Variants in GPR158 observed in about 807,000 individuals in gnomAD.
GPR158 encodes the protein metabotropic glycine receptor.
GPR158 carries 30 observed loss-of-function variants against 78.2 expected under a neutral mutation model. That is an observed-to-expected ratio of 0.38 (90% CI 0.29 to 0.52). GPR158 has a LOEUF of 0.52. GPR158 is among the 20% of genes least tolerant of loss of function. The pLI is 0.83. For missense variants in GPR158, 1,463 were observed against 1,523.5 expected, an observed-to-expected ratio of 0.96 and a Z score of 0.66; for synonymous variants, 581 against 591.1, an observed-to-expected ratio of 0.98 and a Z score of 0.25.
chr10:25,438,303 C>G lies in GPR158; in HGVS notation c.1335+25830C>G, dbSNP rs114097913. 6.0e-3 allele frequency among the ~76,000 whole-genome samples: 918 copies of G among 152,178 alleles called. 13 individuals are homozygous for G. The highest frequency in any genetic ancestry group is 0.021 in the African/African-American group (884 of 41,526). On this transcript the variant is annotated intron_variant, in intron 4 of 10. Transcript: ENST00000376351. ...TAGAAGGATTACTGAAAGCCCAGAT[C>G]GGGTTGGTTTCTCTGAAGTTCTAAT... is the stretch of plus-strand genomic sequence containing the variant.
At chr10:25,274,172 G>T (rs888971633) in intron 2 of GPR158, among the ~76,000 whole-genome samples, 2 of 152,080 alleles carry the variant, frequency 1.3e-5, no homozygotes, top group African/African-American at 4.8e-5. Flanking sequence ...ACCAAAGATT[G>T]TTCTGATTTT....
chr10:25,576,570 A>AC (rs1414364106), intron 7 of GPR158, among the ~76,000 whole-genome samples: 3 of 152,186 alleles, frequency 2.0e-5, no homozygotes, highest in Non-Finnish European at 4.4e-5. Flanking sequence ...GAGAGTAATG[A>AC]CGACCCTGAG....
intron 7 of GPR158, among the ~76,000 whole-genome samples, chr10:25,573,176 TC>T (rs1837036289): frequency 6.6e-6 from 1 of 152,242 alleles, no homozygotes; most frequent in Non-Finnish European, 1.5e-5. Context: ...AGCTTACTTT[TC>T]TCATTCTTAT....
At chr10:25,412,226 T>A in intron 3 of GPR158, 24 bp from the exon 4 acceptor site, 1 of 1,524,064 alleles carries the variant, frequency 6.6e-7, no homozygotes, top group Non-Finnish European at 9.1e-7. Flanking sequence ...CAAATGACAC[T>A]GTGGTTTTAT....
intron 4 of GPR158, among the ~76,000 whole-genome samples, chr10:25,437,680 G>A (rs191271894): frequency 1.5e-4 from 23 of 152,302 alleles, no homozygotes; most frequent in Admixed American, 3.3e-4. Flanking sequence ...TTATGAAGTC[G>A]TTGAGAACTT....
chr10:25,433,571 G>GTGTGTGTA (rs1564454635), intron 4 of GPR158, among the ~76,000 whole-genome samples: 1 of 53,076 alleles, frequency 1.9e-5, no homozygotes, highest in African/African-American at 4.3e-5. Flanking sequence ...GTGTGTGTGT[G>GTGTGTGTA]CGCGCGCGCG....
rs533076894 is a variant in GPR158 at position 25,293,954 on chromosome 10, C to T, written c.1008+72797C>T. Among the ~76,000 whole-genome samples, 525 of 152,126 alleles carry T rather than the reference C, an allele frequency of 3.5e-3. 1 individual carries two copies. The highest frequency in any genetic ancestry group is 0.012 in the African/African-American group (485 of 41,492). Reference sequence around the variant, plus strand: ...CAGAGACAGGGTTTCACCATGTTGGCCAGGCTGGTCTTGAACTCCTGACCT... The same window carrying T: ...CAGAGACAGGGTTTCACCATGTTGGTCAGGCTGGTCTTGAACTCCTGACCT... On this transcript the variant is annotated intron_variant, in intron 2 of 10. Coordinates refer to ENST00000376351, the MANE Select transcript of GPR158 (RefSeq NM_020752.3).
chr10:25,599,383 C>T lies in GPR158; in HGVS notation c.*109C>T, dbSNP rs899814601. On this transcript the variant is annotated 3_prime_UTR_variant, in exon 11 of 11. Transcript: ENST00000376351. Reference sequence around the variant, plus strand: ...GATTTGTCAATCAAGGAAAACATGACAGATGGTGAGGTAAAGTCAAAGGCA... The same window carrying T: ...GATTTGTCAATCAAGGAAAACATGATAGATGGTGAGGTAAAGTCAAAGGCA... The T allele has an allele frequency of 4.6e-6, 4 of 871,782 alleles. No individual in the cohort carries two copies. The African/African-American group carries it at 6.8e-5, about 15-fold the overall frequency. 54.0% of individuals were successfully genotyped at this position (871,782 alleles called of 1,614,324 possible).
At chr10:25,344,814 G>C (rs1855351083) in intron 2 of GPR158, among the ~76,000 whole-genome samples, 1 of 151,964 alleles carries the variant, frequency 6.6e-6, no homozygotes. Flanking sequence ...ATAAACAACA[G>C]AAATTTATTT....
intron 1 of GPR158, among the ~76,000 whole-genome samples, chr10:25,179,627 A>G (rs1852589161): frequency 6.6e-6 from 1 of 152,198 alleles, no homozygotes. Flanking sequence ...CTTATGTTTC[A>G]GAATGACACA....
At chr10:25,435,310 A>AT (rs1200813597) in intron 4 of GPR158, among the ~76,000 whole-genome samples, 1 of 152,172 alleles carries the variant, frequency 6.6e-6, no homozygotes, top group African/African-American at 2.4e-5. Flanking sequence ...GTGAGAAAGG[A>AT]TAATAAGGTT....
chr10:25,459,389 A>G (rs1426638942), intron 4 of GPR158, among the ~76,000 whole-genome samples: 1 of 152,004 alleles, frequency 6.6e-6, no homozygotes, highest in Non-Finnish European at 1.5e-5. Context: ...GCTCTCTCAT[A>G]TTTTCCTCAT....
intron 1 of GPR158, among the ~76,000 whole-genome samples, chr10:25,195,812 G>A (rs1852836391): frequency 6.6e-6 from 1 of 152,112 alleles, no homozygotes; most frequent in Non-Finnish European, 1.5e-5. Flanking sequence ...GCCAGAAAAT[G>A]TCTTCTAACT....
At chr10:25,474,989 C>A (rs1395624152) in intron 5 of GPR158, among the ~76,000 whole-genome samples, 1 of 152,062 alleles carries the variant, frequency 6.6e-6, no homozygotes, top group Non-Finnish European at 1.5e-5. Context: ...TTATTCAAAA[C>A]AAATGGTTGT....
intron 5 of GPR158, among the ~76,000 whole-genome samples, chr10:25,537,371 A>T (rs1433337609): frequency 3.3e-5 from 5 of 152,154 alleles, no homozygotes; most frequent in Admixed American, 6.6e-5. Context: ...ATCATGACAT[A>T]AATATGTTAT....
chr10:25,205,617 G>T (rs910521086), intron 1 of GPR158, among the ~76,000 whole-genome samples: 4 of 151,970 alleles, frequency 2.6e-5, no homozygotes, highest in African/African-American at 9.7e-5. Flanking sequence ...CTGTTATGTT[G>T]CATCTTTGTT....
In GPR158 at chr10:25,586,029, C is replaced by A. The variant is rs375190065; in HGVS notation, c.1754-2978C>A. Among the ~76,000 whole-genome samples the A allele has an allele frequency of 3.9e-5, 6 of 152,186 alleles. No individual in the cohort carries two copies. In the East Asian group the frequency reaches 7.7e-4, roughly 20 times the overall value. On this transcript the variant is annotated intron_variant, in intron 7 of 10. Coordinates refer to ENST00000376351, the MANE Select transcript of GPR158 (RefSeq NM_020752.3). Reference sequence around the variant, plus strand: ...TTGGAGTGTTCAGAGGACAAAGAGACCTTCTAGGTCTGCTCAAAGAGTTTA... The same window carrying A: ...TTGGAGTGTTCAGAGGACAAAGAGAACTTCTAGGTCTGCTCAAAGAGTTTA...
chr10:25,228,447 T>C (rs1477659156), intron 2 of GPR158, among the ~76,000 whole-genome samples: 2 of 152,102 alleles, frequency 1.3e-5, no homozygotes, highest in African/African-American at 4.8e-5. Context: ...TTACAATGTA[T>C]CCAAATAATA....
chr10:25,362,101 C>A (rs917603667), intron 2 of GPR158, among the ~76,000 whole-genome samples: 1 of 151,882 alleles, frequency 6.6e-6, no homozygotes, highest in Non-Finnish European at 1.5e-5. Context: ...TTAGAAGTTT[C>A]GTGGCTTTAG....
Sources: gnomAD v4.1 joint callset for allele counts (sites outside exome capture counted in the v4.1 genomes callset) on GRCh38, gnomAD v4.1.1 for gene constraint, MANE v1.5 for transcripts, NCBI Gene and HGNC (gene_info 2026-07-23, HGNC 2026-07-21) for gene names.